SYNE1: variants seen among roughly 807,000 people sequenced by gnomAD.
SYNE1 encodes the protein nesprin-1.
A neutral mutation model predicts 1,111.0 loss-of-function variants in SYNE1; 616 were observed. The observed-to-expected ratio is 0.55, with a 90% CI of 0.52 to 0.59. The LOEUF (loss-of-function observed/expected upper bound fraction) is 0.59. SYNE1 is among the 20% of genes least tolerant of loss of function. SYNE1 has a pLI of 0.00. For synonymous variants in SYNE1, 3,855 were observed against 3,825.8 expected, an observed-to-expected ratio of 1.01 and a Z score of -0.28; for missense variants, 10,006 against 10,417.0, an observed-to-expected ratio of 0.96 and a Z score of 1.72.
chr6:152,620,585 AT>A (rs1235690685), intron 3 of SYNE1, among the ~76,000 whole-genome samples: 1 of 152,004 alleles, frequency 6.6e-6, no homozygotes, highest in Admixed American at 6.6e-5. Context: ...ACCAAGTTTA[AT>A]TTTTTTCTCT....
chr6:152,577,701 C>A (rs1257637782), intron 3 of SYNE1, among the ~76,000 whole-genome samples: 1 of 151,780 alleles, frequency 6.6e-6, no homozygotes, highest in African/African-American at 2.4e-5. Flanking sequence ...ATTTTCCAGA[C>A]GGGAGTTGGA....
intron 63 of SYNE1, among the ~76,000 whole-genome samples, chr6:152,363,316 A>G (rs1198384994): frequency 3.5e-5 from 5 of 143,784 alleles, no homozygotes; most frequent in South Asian, 2.3e-4. Context: ...AACACAGTGA[A>G]ACCCCGTCTC....
chr6:152,284,134 G>T lies in SYNE1; in HGVS notation c.18051C>A (p.Ile6017=). 1 of 1,614,176 alleles carries T rather than the reference G, an allele frequency of 6.2e-7. No individual in the cohort carries two copies. Among genetic ancestry groups the T allele is most frequent in the East Asian group, 2.2e-5 (1 of 44,874 alleles). The change falls in exon 96 of 146, where the codon ATC becomes ATA. Residue 6017 remains isoleucine (I), a synonymous_variant. Transcript: ENST00000367255. Reference sequence around the variant, plus strand: ...CTGCGAGAGAGGACTGGAGCTCATTGATTTCATCCTGGAGCATGAGAATCT... The same window carrying T: ...CTGCGAGAGAGGACTGGAGCTCATTTATTTCATCCTGGAGCATGAGAATCT... The part of the protein sequence containing the change: ...MDEILMLQDE[I]NELQSSLAEE...
intron 33 of SYNE1, 152 bp downstream of exon 33, chr6:152,435,789 C>T: frequency 1.0e-6 from 1 of 956,322 alleles, no homozygotes. Flanking sequence ...ATTAGCGATA[C>T]TTTCTTTTGA....
At chr6:152,224,781 T>C (rs529284046) in intron 116 of SYNE1, 117 bp from the exon 117 acceptor site, 216 of 1,073,130 alleles carry the variant, frequency 2.0e-4, no homozygotes, top group South Asian at 8.0e-4. Context: ...TCAGGTATCA[T>C]AAACAAACAA....
At chr6:152,317,048 C>G (rs1028899325) in intron 86 of SYNE1, 62 bp from the exon 87 acceptor site, 1 of 1,592,848 alleles carries the variant, frequency 6.3e-7, no homozygotes, top group Non-Finnish European at 8.6e-7. Context: ...AGCTATAAAT[C>G]AGTCTTCTCT....
intron 58 of SYNE1, among the ~76,000 whole-genome samples, chr6:152,374,683 A>T (rs998446794): frequency 3.9e-5 from 6 of 152,140 alleles, no homozygotes; most frequent in African/African-American, 1.4e-4. Flanking sequence ...CTGAGGCAGG[A>T]GGATTGCTTG....
rs370599632 is a variant in SYNE1, at chr6:152,541,323, C to T, written c.68-1302G>A. On this transcript the variant is annotated intron_variant, in intron 3 of 145. Transcript: ENST00000367255. ...CTTTCAGCAGTGTTTTATGGTTCTT[C>T]TGGTAGAGATAGATCTTTCACCTCT... 7.2e-5 allele frequency among the ~76,000 whole-genome samples: 11 copies of T among 152,238 alleles called. No individual in the cohort carries two copies. The East Asian group carries it at 2.1e-3, about 29-fold the overall frequency.
At chr6:152,633,149 T>C (rs1356083647) in intron 2 of SYNE1, among the ~76,000 whole-genome samples, 1 of 152,186 alleles carries the variant, frequency 6.6e-6, no homozygotes, top group East Asian at 1.9e-4. Context: ...AGGTGCAGGA[T>C]ACTGCGGGAG....
chr6:152,408,289 A>G (rs562130222), intron 44 of SYNE1, among the ~76,000 whole-genome samples: 1 of 152,330 alleles, frequency 6.6e-6, no homozygotes, highest in South Asian at 2.1e-4. Context: ...TATTTCCAGA[A>G]AAATCAAGTG....
intron 3 of SYNE1, among the ~76,000 whole-genome samples, chr6:152,574,758 A>G (rs1264248807): frequency 6.6e-6 from 1 of 152,168 alleles, no homozygotes; most frequent in Non-Finnish European, 1.5e-5. Context: ...ATTTTCCCCA[A>G]TGTATAATCT....
chr6:152,472,749 T>C, intron 14 of SYNE1: 1 of 640,524 alleles, frequency 1.6e-6, no homozygotes, highest in Non-Finnish European at 2.8e-6. Flanking sequence ...TTTTTGCCTT[T>C]CTGGATATGT....
At chr6:152,206,544 T>C (rs1190156705) in intron 125 of SYNE1, among the ~76,000 whole-genome samples, 182 bp from the exon 126 acceptor site, 2 of 152,188 alleles carry the variant, frequency 1.3e-5, no homozygotes, top group Non-Finnish European at 2.9e-5. Context: ...ACAGGCTTAG[T>C]TTCTGTCTCC....
At chr6:152,249,519 C>T (rs957709334) in intron 104 of SYNE1, among the ~76,000 whole-genome samples, 11 of 152,160 alleles carry the variant, frequency 7.2e-5, no homozygotes, top group Non-Finnish European at 1.5e-4. Context: ...TAAAAAGCAA[C>T]GCTTGTCACC....
intron 64 of SYNE1, among the ~76,000 whole-genome samples, chr6:152,360,700 T>C (rs2096917446): frequency 6.6e-6 from 1 of 152,210 alleles, no homozygotes; most frequent in South Asian, 2.1e-4. Context: ...GTTGATTGAA[T>C]AGATGAACAA....
chr6:152,558,976 T>TTTTATTTATTTATTTTA (rs1554911551), intron 3 of SYNE1, among the ~76,000 whole-genome samples: 37 of 139,990 alleles, frequency 2.6e-4, no homozygotes, highest in African/African-American at 1.0e-3. Flanking sequence ...CATATTTAAT[T>TTTTATTTATTTATTTTA]TTTATTTATT....
At chr6:152,518,926 C>T (rs768728289) in intron 6 of SYNE1, among the ~76,000 whole-genome samples, 2 of 149,898 alleles carry the variant, frequency 1.3e-5, no homozygotes, top group South Asian at 2.1e-4. Context: ...TAAACATATA[C>T]AATTGAACAA....
At chr6:152,277,048 G>A (rs974125132) in intron 98 of SYNE1, among the ~76,000 whole-genome samples, 1 of 151,188 alleles carries the variant, frequency 6.6e-6, no homozygotes, top group Non-Finnish European at 1.5e-5. Context: ...CCACCACTAT[G>A]CCCGGCTAAT....
At chr6:152,415,789 TAAAAAAAAA>T (rs1209590450) in intron 41 of SYNE1, among the ~76,000 whole-genome samples, 25 of 73,034 alleles carry the variant, frequency 3.4e-4, no homozygotes, top group South Asian at 2.7e-3. Flanking sequence ...TTCAAAGTGG[TAAAAAAAAA>T]AAAAAAAAAA....
Sources: allele counts gnomAD v4.1 joint callset (sites outside exome capture counted in the v4.1 genomes callset), GRCh38; gene constraint gnomAD v4.1.1; transcripts MANE v1.5; gene names NCBI Gene and HGNC (gene_info 2026-07-23, HGNC 2026-07-21).